Variants in RYR2 observed in about 807,000 individuals in gnomAD.
RYR2 encodes ryanodine receptor 2.
Under a neutral mutation model 601.1 loss-of-function variants are expected in RYR2, and 227 were observed. The observed-to-expected ratio is 0.38, with a 90% confidence interval of 0.34 to 0.42. The LOEUF (loss-of-function observed/expected upper bound fraction) is 0.42, where lower values mean the gene tolerates loss of function less well. RYR2 is among the 10% of genes least tolerant of loss of function. The pLI is 1.00. For missense variants in RYR2, 4,646 were observed against 6,156.5 expected (o/e 0.75, Z 8.21); for synonymous variants, 2,223 against 2,175.1 (o/e 1.02, Z -0.61).
chr1:237,134,710 T>C (rs919752126), intron 1 of RYR2, among the ~76,000 whole-genome samples: 1 of 152,206 alleles, frequency 6.6e-6, no homozygotes, highest in African/African-American at 2.4e-5. Context: ...TGAAATAGAA[T>C]TTAATACTTC....
intron 2 of RYR2, among the ~76,000 whole-genome samples, chr1:237,304,188 C>A (rs1693650433): frequency 6.6e-6 from 1 of 152,158 alleles, no homozygotes; most frequent in Admixed American, 6.5e-5. Context: ...ATCTCCCCTG[C>A]TTTGACAGTG....
intron 2 of RYR2, among the ~76,000 whole-genome samples, chr1:237,308,739 A>C (rs1572551075): frequency 6.6e-6 from 1 of 152,190 alleles, no homozygotes; most frequent in Non-Finnish European, 1.5e-5. Context: ...AGCAAGATTT[A>C]CTGCAAGGCG....
chr1:237,500,126 G>T (rs1664478141), intron 20 of RYR2, among the ~76,000 whole-genome samples: 1 of 152,072 alleles, frequency 6.6e-6, no homozygotes, highest in African/African-American at 2.4e-5. Context: ...AGGAATGAAT[G>T]ATCATATTTT....
intron 17 of RYR2, among the ~76,000 whole-genome samples, chr1:237,477,168 G>T (rs1254235675): frequency 6.6e-6 from 1 of 152,144 alleles, no homozygotes; most frequent in Non-Finnish European, 1.5e-5. Flanking sequence ...CGAGGCAGGC[G>T]GATCACGAGG....
At chr1:237,087,783 G>A (rs1288154830) in intron 1 of RYR2, among the ~76,000 whole-genome samples, 2 of 152,164 alleles carry the variant, frequency 1.3e-5, no homozygotes, top group Non-Finnish European at 2.9e-5. Flanking sequence ...GGGCTTGGAT[G>A]TGTTTGTAAA....
Position 237,500,916 on chromosome 1 carries a change from A to G in RYR2, c.2396+13A>G, listed in dbSNP as rs948062793. ...CTGCAGGAATAAAGTTAGTATGTCT[A>G]TGTTTTTTGGTCTCTTTCCTTTCTC... is the stretch of plus-strand genomic sequence containing the variant. On this transcript the variant is annotated intron_variant, in intron 21 of 104. Transcript: ENST00000366574. 2 of 1,612,692 alleles carry G rather than the reference A, an allele frequency of 1.2e-6. No homozygotes were observed. The highest frequency in any genetic ancestry group is 1.7e-5 in the Admixed American group (1 of 60,012).
chr1:237,245,035 C>T (rs1370913001), intron 1 of RYR2, among the ~76,000 whole-genome samples: 2 of 149,618 alleles, frequency 1.3e-5, no homozygotes, highest in Non-Finnish European at 3.0e-5. Flanking sequence ...TAGTGAGACG[C>T]TGTCTCTAAA....
intron 26 of RYR2, 70 bp downstream of exon 26, chr1:237,548,660 A>G (rs781400011): frequency 2.5e-4 from 388 of 1,547,200 alleles, no homozygotes; most frequent in Non-Finnish European, 3.2e-4. Context: ...AACAGGAAGG[A>G]TTACATAATG....
At chr1:237,267,432 A>G (rs1043250387) in intron 1 of RYR2, among the ~76,000 whole-genome samples, 6 of 152,304 alleles carry the variant, frequency 3.9e-5, no homozygotes, top group Middle Eastern at 3.4e-3. Context: ...AAGCAGGAGA[A>G]TCACTTGAAC....
In RYR2 at chr1:237,623,970, A is replaced by G. The variant is rs1319404356; in HGVS notation, c.6022+100A>G. On this transcript the variant is annotated intron_variant, in intron 39 of 104. Coordinates refer to ENST00000366574, the MANE Select transcript of RYR2 (RefSeq NM_001035.3). ...TATATGCGAATATTTTCACGAATAC[A>G]CACGATACCTGTTAGAAAGTTATAT... 5 of 748,894 alleles carry G rather than the reference A, an allele frequency of 6.7e-6. No individual in the cohort carries two copies. The Admixed American group carries it at 9.3e-5, about 14-fold the overall frequency. The allele number at this position is 748,894 out of a possible 1,614,324, so 46.4% of individuals were successfully genotyped here.
At chr1:237,217,141 A>C (rs1033514262) in intron 1 of RYR2, among the ~76,000 whole-genome samples, 5 of 152,084 alleles carry the variant, frequency 3.3e-5, no homozygotes, top group Non-Finnish European at 7.4e-5. Context: ...TCTGATGGGG[A>C]CCTCGACTGG....
intron 102 of RYR2, 146 bp downstream of exon 102, chr1:237,828,591 C>A (rs1240964375): frequency 3.4e-6 from 2 of 582,390 alleles, no homozygotes; most frequent in East Asian, 2.8e-5. Context: ...TCCATTCAAG[C>A]AATACATATA....
At chr1:237,500,447 G>T (rs988887815) in intron 20 of RYR2, among the ~76,000 whole-genome samples, 7 of 152,202 alleles carry the variant, frequency 4.6e-5, no homozygotes, top group Admixed American at 4.6e-4. Flanking sequence ...TTCTGGATCA[G>T]TTGCCATCCG....
intron 27 of RYR2, among the ~76,000 whole-genome samples, chr1:237,560,281 C>G (rs1486668934): frequency 6.6e-6 from 1 of 152,250 alleles, no homozygotes; most frequent in Non-Finnish European, 1.5e-5. Context: ...GCTGTTATTG[C>G]TGCCTCACAA....
chr1:237,535,420 G>T (rs1668506146), intron 25 of RYR2, among the ~76,000 whole-genome samples: 2 of 151,422 alleles, frequency 1.3e-5, no homozygotes, highest in African/African-American at 4.9e-5. Flanking sequence ...TATCAAAACT[G>T]ATCCAATAAG....
chr1:237,473,429 C>CTT (rs1558878215), intron 17 of RYR2, among the ~76,000 whole-genome samples: 4,523 of 101,618 alleles, frequency 0.045, 264 homozygotes, highest in African/African-American at 0.12. Flanking sequence ...ATCTCTCTCT[C>CTT]TCTCTTTCTT....
Position 237,614,047 on chromosome 1 carries a change from A to G in RYR2, c.4919A>G (p.Asp1640Gly), listed in dbSNP as rs1177595574. ...LHIPEENRSV[D>G]ILELTEQEEL... ...TCTCCTCCCTTCTACAGATCTGTTG[A>G]CATCTTAGAGTTGACAGAGCAGGAG... The change falls in exon 37 of 105, where the codon GAC becomes GGC. Residue 1640 changes from aspartate to glycine, a missense_variant. Physicochemically the swap from Asp to Gly is moderately conservative, Grantham distance 94. Around this residue, in one of 17 missense-constraint regions of RYR2, gnomAD observed 1,807 missense variants for 2,088.1 expected, o/e 0.87. Coordinates refer to ENST00000366574, the MANE Select transcript of RYR2 (RefSeq NM_001035.3). This position sits in a 1 kb window ranked among gnomAD's most constrained non-coding sequence, Gnocchi z 4.3. 1.2e-6 allele frequency: 2 copies of G among 1,612,054 alleles called. No homozygotes were observed. The highest frequency in any genetic ancestry group is 2.7e-5 in the African/African-American group (2 of 74,998).
chr1:237,083,257 C>T (rs904330087), intron 1 of RYR2, among the ~76,000 whole-genome samples: 22 of 152,018 alleles, frequency 1.4e-4, no homozygotes, highest in African/African-American at 2.7e-4. Flanking sequence ...AGAAGTTTCC[C>T]GATAAATTTA....
chr1:237,603,035 A>G (rs1676683340), intron 35 of RYR2, among the ~76,000 whole-genome samples: 2 of 152,220 alleles, frequency 1.3e-5, no homozygotes, highest in African/African-American at 4.8e-5. Flanking sequence ...GGGTGATGAC[A>G]TGATGTGATT....
Sources: allele counts gnomAD v4.1 joint callset (sites outside exome capture counted in the v4.1 genomes callset), GRCh38; gene constraint gnomAD v4.1.1; regional missense constraint gnomAD v4.1.1; non-coding constraint Gnocchi (gnomAD v3.1); transcripts MANE v1.5; gene names NCBI Gene and HGNC (gene_info 2026-07-23, HGNC 2026-07-21).